The following LINGO2 variants were observed in gnomAD, a reference collection of about 807,000 sequenced individuals.
The protein encoded by LINGO2 is leucine rich repeat and Ig domain containing 2.
Under a neutral mutation model 30.6 loss-of-function variants are expected in LINGO2, and 14 were observed. The ratio of observed to expected loss-of-function variants is 0.46; its 90% confidence interval spans 0.30 to 0.72. The LOEUF (loss-of-function observed/expected upper bound fraction) is 0.72. Ranked by LOEUF, LINGO2 falls within the 30% of genes least tolerant of loss-of-function variation. LINGO2 has a pLI of 0.07. For missense variants in LINGO2, 729 were observed against 751.7 expected (o/e 0.97, Z 0.35); for synonymous variants, 317 against 288.5 (o/e 1.10, Z -1.00).
intron 2 of LINGO2, among the ~76,000 whole-genome samples, chr9:28,408,021 C>T (rs1340445870): frequency 6.6e-6 from 1 of 151,948 alleles, no homozygotes; most frequent in African/African-American, 2.4e-5. Context: ...GAGAGAAAGA[C>T]AGAAAAGAGA....
chr9:28,046,713 C>T (rs539568941), intron 4 of LINGO2, among the ~76,000 whole-genome samples: 2 of 152,180 alleles, frequency 1.3e-5, no homozygotes, highest in South Asian at 2.1e-4. Flanking sequence ...TCCCACCTCT[C>T]AACCATTTAT....
the LINGO2 span, among the ~76,000 whole-genome samples, chr9:29,045,827 G>A: frequency 6.6e-6 from 1 of 152,044 alleles, no homozygotes. Flanking sequence ...CTTGAGCATT[G>A]TTTTTAATTC....
chr9:29,207,858 A>T, the LINGO2 span, among the ~76,000 whole-genome samples: 1 of 152,192 alleles, frequency 6.6e-6, no homozygotes, highest in South Asian at 2.1e-4. Context: ...AGCGAACCTC[A>T]TATTTTATAA....
chr9:29,150,977 CA>C, the LINGO2 span, among the ~76,000 whole-genome samples: 1 of 151,348 alleles, frequency 6.6e-6, no homozygotes, highest in Non-Finnish European at 1.5e-5. Flanking sequence ...TGAATGCAAA[CA>C]AAAAAAATAT....
chr9:28,863,996 G>A, the LINGO2 span, among the ~76,000 whole-genome samples: 1 of 152,058 alleles, frequency 6.6e-6, no homozygotes, highest in African/African-American at 2.4e-5. Context: ...ACAGGGTTCT[G>A]CTCATCAAAA....
chr9:28,377,313 T>C (rs1821167486), intron 2 of LINGO2, among the ~76,000 whole-genome samples: 1 of 152,182 alleles, frequency 6.6e-6, no homozygotes, highest in Non-Finnish European at 1.5e-5. Flanking sequence ...ACCTTTATGA[T>C]GGTCCAGTTT....
the LINGO2 span, among the ~76,000 whole-genome samples, chr9:28,767,346 C>T: frequency 6.6e-6 from 1 of 152,080 alleles, no homozygotes; most frequent in Admixed American, 6.5e-5. Flanking sequence ...CTGTAATACA[C>T]ATTAAAAATA....
the LINGO2 span, among the ~76,000 whole-genome samples, chr9:28,766,263 C>T: frequency 5.3e-5 from 8 of 151,576 alleles, no homozygotes; most frequent in East Asian, 7.7e-4. Context: ...AAACAAATAA[C>T]CCAATTTAAA....
the LINGO2 span, among the ~76,000 whole-genome samples, chr9:29,174,876 A>G: frequency 6.6e-6 from 1 of 152,224 alleles, no homozygotes; most frequent in Non-Finnish European, 1.5e-5. Context: ...TTAAAAATCT[A>G]AAACAGTTCA....
chr9:28,097,115 C>A (rs1009977674), intron 4 of LINGO2, among the ~76,000 whole-genome samples: 1 of 151,854 alleles, frequency 6.6e-6, no homozygotes, highest in African/African-American at 2.4e-5. Flanking sequence ...CAGAGAAATG[C>A]AAATCAAAAC....
At chr9:29,189,675 G>C in the LINGO2 span, among the ~76,000 whole-genome samples, 1 of 152,024 alleles carries the variant, frequency 6.6e-6, no homozygotes, top group Admixed American at 6.5e-5. Context: ...GCTGGGAGGT[G>C]GTTGTAGCGA....
chr9:28,553,745 A>C (rs1189865844), intron 1 of LINGO2, among the ~76,000 whole-genome samples: 2 of 151,940 alleles, frequency 1.3e-5, no homozygotes, highest in Non-Finnish European at 2.9e-5. Flanking sequence ...GGGCAGCCAG[A>C]GAGAAAGGTC....
intron 1 of LINGO2, among the ~76,000 whole-genome samples, chr9:28,524,102 G>T (rs1820926551): frequency 6.6e-6 from 1 of 152,072 alleles, no homozygotes; most frequent in African/African-American, 2.4e-5. Context: ...ATAGAATTGA[G>T]ACTCATTATA....
At chr9:27,958,681 T>C (rs925311297) in intron 5 of LINGO2, among the ~76,000 whole-genome samples, 11 of 152,250 alleles carry the variant, frequency 7.2e-5, no homozygotes, top group Non-Finnish European at 1.6e-4. Flanking sequence ...TGTGTATACA[T>C]AGGGAAAAAC....
At chr9:28,341,939 T>C (rs1249724693) in intron 3 of LINGO2, among the ~76,000 whole-genome samples, 1 of 152,136 alleles carries the variant, frequency 6.6e-6, no homozygotes, top group East Asian at 1.9e-4. Context: ...CACCTTCTTT[T>C]TATCCTATAG....
At chr9:28,848,387 GTGTGTGTGTGTATATA>G in the LINGO2 span, among the ~76,000 whole-genome samples, 284 of 51,816 alleles carry the variant, frequency 5.5e-3, 2 homozygotes, top group Non-Finnish European at 8.7e-3. Flanking sequence ...GTGTGTGTGT[GTGTGTGTGTGTATATA>G]TATATATATA....
the LINGO2 span, among the ~76,000 whole-genome samples, chr9:29,112,338 G>A: frequency 1.3e-5 from 2 of 152,074 alleles, no homozygotes; most frequent in African/African-American, 4.8e-5. Flanking sequence ...GCTAAGACCT[G>A]CTGAATCTGA....
At chr9:28,936,160 A>G in the LINGO2 span, among the ~76,000 whole-genome samples, 3 of 152,348 alleles carry the variant, frequency 2.0e-5, no homozygotes, top group Admixed American at 6.5e-5. Flanking sequence ...TGCAAACTCA[A>G]TGAAGTCATA....
intron 3 of LINGO2, among the ~76,000 whole-genome samples, chr9:28,355,823 A>T (rs1587531074): frequency 6.6e-6 from 1 of 152,122 alleles, no homozygotes; most frequent in Non-Finnish European, 1.5e-5. Flanking sequence ...TGCATACAGA[A>T]AAAACATCTA....
Sources: allele counts gnomAD v4.1 joint callset (sites outside exome capture counted in the v4.1 genomes callset), GRCh38; gene constraint gnomAD v4.1.1; transcripts MANE v1.5; gene names NCBI Gene and HGNC (gene_info 2026-07-23, HGNC 2026-07-21).